The following NBEA variants were observed in gnomAD, a reference collection of about 807,000 sequenced individuals.
NBEA encodes lysosomal-trafficking regulator 2.
A neutral mutation model predicts 343.4 loss-of-function variants in NBEA; 44 were observed. The observed-to-expected ratio is 0.13, with a 90% CI of 0.10 to 0.16. NBEA has a LOEUF of 0.16. Among genes scored for constraint, NBEA ranks in the 10% least tolerant of loss-of-function variants. The pLI, the probability that NBEA is intolerant of heterozygous loss-of-function variation, is 1.00. For synonymous variants in NBEA, 1,175 were observed against 1,238.7 expected, an observed-to-expected ratio of 0.95 and a Z score of 1.08; for missense variants, 2,555 against 3,631.3, an observed-to-expected ratio of 0.70 and a Z score of 7.62.
At chr13:35,203,435 A>T (rs2073155540) in intron 31 of NBEA, among the ~76,000 whole-genome samples, 1 of 152,100 alleles carries the variant, frequency 6.6e-6, no homozygotes, top group Admixed American at 6.6e-5. Context: ...TTTCAACATT[A>T]TTCCTTCTTC....
intron 38 of NBEA, among the ~76,000 whole-genome samples, chr13:35,392,663 C>T (rs1252733546): frequency 2.0e-5 from 3 of 152,124 alleles, no homozygotes; most frequent in Non-Finnish European, 4.4e-5. Context: ...GCAAAACATA[C>T]TCAATCCCAA....
intron 40 of NBEA, among the ~76,000 whole-genome samples, chr13:35,453,090 C>A (rs2046386964): frequency 6.6e-6 from 1 of 152,192 alleles, no homozygotes; most frequent in African/African-American, 2.4e-5. Flanking sequence ...ATTTATAATT[C>A]TTGATACAAC....
chr13:35,271,520 CAG>C (rs1471107208), intron 34 of NBEA, among the ~76,000 whole-genome samples: 2 of 152,126 alleles, frequency 1.3e-5, no homozygotes, highest in African/African-American at 4.8e-5. Context: ...GACGAGTTGA[CAG>C]AAGTAGGCTT....
At chr13:35,134,061 G>T (rs981870119) in intron 17 of NBEA, among the ~76,000 whole-genome samples, 1 of 152,004 alleles carries the variant, frequency 6.6e-6, no homozygotes, top group Non-Finnish European at 1.5e-5. Context: ...GTTCAAAAGA[G>T]AATGTGGAAG....
chr13:35,023,442 G>A (rs1181301046), intron 1 of NBEA, among the ~76,000 whole-genome samples: 3 of 151,968 alleles, frequency 2.0e-5, no homozygotes, highest in African/African-American at 4.8e-5. Flanking sequence ...TTTGTGTCCT[G>A]TATAAGTTAT....
chr13:35,525,976 A>G (rs2152995364), intron 41 of NBEA, among the ~76,000 whole-genome samples: 1 of 152,294 alleles, frequency 6.6e-6, no homozygotes, highest in South Asian at 2.1e-4. Flanking sequence ...GAGAGACACG[A>G]ACGTTCGGAC....
At chr13:35,151,965 C>T (rs1282455745) in intron 18 of NBEA, among the ~76,000 whole-genome samples, 1 of 152,006 alleles carries the variant, frequency 6.6e-6, no homozygotes, top group Non-Finnish European at 1.5e-5. Flanking sequence ...TTTCTGCAGG[C>T]AAAACAAGTA....
At chr13:35,502,892 T>G (rs2076941794) in intron 41 of NBEA, among the ~76,000 whole-genome samples, 1 of 152,226 alleles carries the variant, frequency 6.6e-6, no homozygotes, top group Non-Finnish European at 1.5e-5. Flanking sequence ...AAAATCAAGT[T>G]TTGGATTTTT....
chr13:35,403,550 A>G (rs2043100592), intron 38 of NBEA, among the ~76,000 whole-genome samples: 2 of 152,160 alleles, frequency 1.3e-5, no homozygotes, highest in African/African-American at 2.4e-5. Flanking sequence ...CTGGCTAGCC[A>G]TATGTAGAAA....
intron 48 of NBEA, among the ~76,000 whole-genome samples, chr13:35,619,971 A>G (rs1361009067): frequency 2.0e-5 from 3 of 152,156 alleles, no homozygotes; most frequent in South Asian, 2.1e-4. Context: ...TGAAGGGGCT[A>G]TCATGCACTT....
chr13:35,408,915 A>C (rs1050000759), intron 38 of NBEA, among the ~76,000 whole-genome samples: 95 of 152,302 alleles, frequency 6.2e-4, no homozygotes, highest in South Asian at 2.1e-4. Context: ...AGTCAGTTCA[A>C]CCATTGTGGA....
chr13:35,429,827 G>GTGTT, intron 38 of NBEA, among the ~76,000 whole-genome samples: 1 of 146,670 alleles, frequency 6.8e-6, no homozygotes, highest in Admixed American at 6.8e-5. Flanking sequence ...GTGTGTGTGT[G>GTGTT]TGTGTGTACA....
chr13:35,037,377 T>G (rs1200651623), intron 1 of NBEA, among the ~76,000 whole-genome samples: 1 of 152,218 alleles, frequency 6.6e-6, no homozygotes, highest in Non-Finnish European at 1.5e-5. Context: ...ACACATATCT[T>G]TGTTTCTCCA....
chr13:35,272,241 T>C (rs2034220357), intron 34 of NBEA, among the ~76,000 whole-genome samples: 1 of 152,178 alleles, frequency 6.6e-6, no homozygotes, highest in Non-Finnish European at 1.5e-5. Flanking sequence ...CAGAATCCCA[T>C]ATCCAGCCAA....
In NBEA at chr13:35,350,728, A is replaced by ATGTGTGTGTGTG. The variant is rs34088295; in HGVS notation, c.6013-1395_6013-1384dup. 6.5e-5 allele frequency among the ~76,000 whole-genome samples: 9 copies of ATGTGTGTGTGTG among 137,846 alleles called. No homozygotes were observed. In the East Asian group the frequency reaches 8.7e-4, roughly 13 times the overall value. 90.4% of individuals were successfully genotyped at this position (137,846 alleles called of 152,430 possible). A position where few individuals can be genotyped will look rare whatever the true frequency, so the allele number is the denominator to read the frequency against. ...TCTCCTTTTTGGGTTAGAGCTATTG[A>ATGTGTGTGTGTG]TGTGTGTGTGTGTGTGTGTGTGTGT... On this transcript the variant is annotated intron_variant, in intron 37 of 58. Coordinates refer to ENST00000379939, the MANE Select transcript of NBEA (RefSeq NM_001385012.1).
intron 1 of NBEA, among the ~76,000 whole-genome samples, chr13:34,962,032 C>A (rs1177386668): frequency 1.3e-5 from 2 of 151,958 alleles, no homozygotes; most frequent in Non-Finnish European, 2.9e-5. Context: ...GGTATATGTA[C>A]TGAGTTAATA....
intron 1 of NBEA, among the ~76,000 whole-genome samples, chr13:34,976,237 T>G (rs1469353448): frequency 6.6e-6 from 1 of 152,204 alleles, no homozygotes; most frequent in African/African-American, 2.4e-5. Flanking sequence ...GGTATACTAC[T>G]CAGCCATAAA....
chr13:35,584,808 AT>A (rs2081220527), intron 46 of NBEA, among the ~76,000 whole-genome samples: 1 of 151,500 alleles, frequency 6.6e-6, no homozygotes, highest in Non-Finnish European at 1.5e-5. Flanking sequence ...CCCAGCTATT[AT>A]TTTTAAACAT....
intron 1 of NBEA, among the ~76,000 whole-genome samples, chr13:34,975,830 A>C (rs1348006489): frequency 2.0e-5 from 3 of 152,220 alleles, no homozygotes; most frequent in African/African-American, 7.2e-5. Context: ...AAAATGCTCA[A>C]CATCACTTAT....
Sources: gnomAD v4.1 joint callset for allele counts (sites outside exome capture counted in the v4.1 genomes callset) on GRCh38, gnomAD v4.1.1 for gene constraint, MANE v1.5 for transcripts, NCBI Gene and HGNC (gene_info 2026-07-23, HGNC 2026-07-21) for gene names.